CNTN5: variants seen among roughly 807,000 people sequenced by gnomAD.
CNTN5 encodes the protein contactin-5.
A neutral mutation model predicts 129.1 loss-of-function variants in CNTN5; 77 were observed. That is an observed-to-expected ratio of 0.60 (90% CI 0.50 to 0.72). The LOEUF (loss-of-function observed/expected upper bound fraction) is 0.72, where lower values mean the gene tolerates loss of function less well. CNTN5 is among the 30% of genes least tolerant of loss of function. The pLI is 0.00. For missense variants in CNTN5, 1,478 were observed against 1,328.8 expected, an observed-to-expected ratio of 1.11 and a Z score of -1.75; for synonymous variants, 509 against 465.6, an observed-to-expected ratio of 1.09 and a Z score of -1.20.
intron 2 of CNTN5, among the ~76,000 whole-genome samples, chr11:99,534,508 CATA>C (rs1307231402): frequency 6.4e-5 from 9 of 140,578 alleles, no homozygotes; most frequent in Non-Finnish European, 1.1e-4. Context: ...AAAATTTGGG[CATA>C]GTTAGAATAA....
At chr11:99,450,707 CA>C (rs1356427090) in intron 2 of CNTN5, among the ~76,000 whole-genome samples, 1 of 148,822 alleles carries the variant, frequency 6.7e-6, no homozygotes, top group African/African-American at 2.5e-5. Flanking sequence ...AGAGCTGAAA[CA>C]AGAAGGCAAG....
intron 1 of CNTN5, among the ~76,000 whole-genome samples, chr11:99,232,763 G>A (rs931846367): frequency 3.3e-5 from 5 of 152,088 alleles, no homozygotes; most frequent in Non-Finnish European, 5.9e-5. Context: ...GCTAATCTGG[G>A]ATGAACTGAA....
At chr11:99,892,607 T>C (rs1949092647) in intron 6 of CNTN5, among the ~76,000 whole-genome samples, 1 of 152,198 alleles carries the variant, frequency 6.6e-6, no homozygotes, top group Non-Finnish European at 1.5e-5. Flanking sequence ...TGCTTGTTTT[T>C]GTCAGGTTTG....
rs79332646 is a variant in CNTN5 at position 99,620,705 on chromosome 11, C to T, written c.55+64436C>T. On this transcript the variant is annotated intron_variant, in intron 3 of 24. Coordinates refer to ENST00000524871, the MANE Select transcript of CNTN5 (RefSeq NM_014361.4). ...GAAAATCAAACGATGGAAAGCTAGGCCCCCGCTCCCCCCCGGCCATCAGCA... is the reference window on the plus strand; with the variant it reads ...GAAAATCAAACGATGGAAAGCTAGGTCCCCGCTCCCCCCCGGCCATCAGCA... 6.7e-3 allele frequency among the ~76,000 whole-genome samples: 1,017 copies of T among 151,000 alleles called. 65 individuals carry two copies. In the East Asian group the frequency reaches 0.17, roughly 25 times the overall value.
At chr11:100,201,220 C>T (rs779903788) in intron 15 of CNTN5, among the ~76,000 whole-genome samples, 3 of 151,894 alleles carry the variant, frequency 2.0e-5, no homozygotes, top group Non-Finnish European at 4.4e-5. Context: ...TTCTGATATA[C>T]ATAACAAACT....
At chr11:99,852,604 C>A (rs1376699413) in intron 6 of CNTN5, among the ~76,000 whole-genome samples, 1 of 152,112 alleles carries the variant, frequency 6.6e-6, no homozygotes, top group Non-Finnish European at 1.5e-5. Flanking sequence ...TCAAGTACAA[C>A]CAAACAGGTA....
At chr11:99,641,064 G>A (rs959029996) in intron 3 of CNTN5, among the ~76,000 whole-genome samples, 2 of 152,212 alleles carry the variant, frequency 1.3e-5, no homozygotes, top group African/African-American at 4.8e-5. Flanking sequence ...AAGATTTGAA[G>A]TAAGTACACT....
At chr11:99,144,147 G>A (rs767372502) in intron 1 of CNTN5, among the ~76,000 whole-genome samples, 1 of 152,128 alleles carries the variant, frequency 6.6e-6, no homozygotes, top group Non-Finnish European at 1.5e-5. Context: ...ATTACAATTT[G>A]TGTCTGATCT....
intron 9 of CNTN5, among the ~76,000 whole-genome samples, chr11:100,042,711 C>A (rs1942450913): frequency 6.6e-6 from 1 of 152,198 alleles, no homozygotes; most frequent in Admixed American, 6.5e-5. Flanking sequence ...TTTGGAGGCA[C>A]TTTTTATCCT....
At chr11:99,458,675 C>T (rs986622958) in intron 2 of CNTN5, among the ~76,000 whole-genome samples, 1 of 151,884 alleles carries the variant, frequency 6.6e-6, no homozygotes, top group Non-Finnish European at 1.5e-5. Context: ...CAAGCGAATG[C>T]CCATACTTGA....
intron 3 of CNTN5, among the ~76,000 whole-genome samples, chr11:99,812,790 C>T (rs1490834324): frequency 2.0e-5 from 3 of 152,078 alleles, no homozygotes; most frequent in African/African-American, 7.2e-5. Context: ...ATATATGCAT[C>T]GTAGCCAAGC....
chr11:100,160,421 G>A (rs539355615), intron 13 of CNTN5, among the ~76,000 whole-genome samples: 25 of 151,930 alleles, frequency 1.6e-4, no homozygotes, highest in East Asian at 1.2e-3. Context: ...TTTATAATCC[G>A]TTGGGTATAT....
At chr11:100,086,642 GA>G (rs1944569244) in intron 13 of CNTN5, among the ~76,000 whole-genome samples, 1 of 150,954 alleles carries the variant, frequency 6.6e-6, no homozygotes, top group African/African-American at 2.4e-5. Context: ...TGTAAATACC[GA>G]ACTAGAAATA....
chr11:99,781,633 C>A (rs1945314068), intron 3 of CNTN5, among the ~76,000 whole-genome samples: 1 of 152,044 alleles, frequency 6.6e-6, no homozygotes, highest in Non-Finnish European at 1.5e-5. Flanking sequence ...ACCATAGCTC[C>A]TACACCCAGC....
intron 1 of CNTN5, among the ~76,000 whole-genome samples, chr11:99,261,709 AC>A (rs1862636726): frequency 6.6e-6 from 1 of 151,992 alleles, no homozygotes. Context: ...CATCATAATT[AC>A]CCTCTTTGAA....
chr11:99,712,469 G>C (rs1334184257), intron 3 of CNTN5, among the ~76,000 whole-genome samples: 6 of 151,998 alleles, frequency 3.9e-5, no homozygotes, highest in Non-Finnish European at 8.8e-5. Flanking sequence ...CTGTGCAGTA[G>C]CTCTTTAGTT....
In CNTN5 at chr11:100,161,830, T is replaced by TACACATACACACACACACACACACACAC. The variant is rs59930760; in HGVS notation, c.1581-29291_1581-29290insTACACACACACACACACACACACACACA. 2.5e-4 allele frequency among the ~76,000 whole-genome samples: 31 copies of TACACATACACACACACACACACACACAC among 125,886 alleles called. 2 individuals are homozygous for TACACATACACACACACACACACACACAC. The highest frequency in any genetic ancestry group is 1.0e-3 in the African/African-American group (30 of 29,660). The allele number at this position is 125,886 out of a possible 152,430, so 82.6% of individuals were successfully genotyped here. A position where few individuals can be genotyped will look rare whatever the true frequency, so the allele number is the denominator to read the frequency against. ...TCTCAAGGATAGCCCTGGAGCTTCC[T>TACACATACACACACACACACACACACAC]ACACACACACACACACACACACACA... On this transcript the variant is annotated intron_variant, in intron 13 of 24. Transcript: ENST00000524871.
chr11:100,254,079 C>T (rs10894665), intron 16 of CNTN5, among the ~76,000 whole-genome samples: 31,622 of 152,004 alleles, frequency 0.21, 4,090 homozygotes, highest in East Asian at 0.61. Flanking sequence ...AACTCCCAAG[C>T]CTGAATGGAC....
At chr11:100,323,021 C>T (rs749106230) in intron 21 of CNTN5, among the ~76,000 whole-genome samples, 2 of 152,174 alleles carry the variant, frequency 1.3e-5, no homozygotes, top group Admixed American at 6.5e-5. Context: ...TTTCACAGAA[C>T]ATATCTCATT....
Sources: gnomAD v4.1 joint callset for allele counts (sites outside exome capture counted in the v4.1 genomes callset) on GRCh38, gnomAD v4.1.1 for gene constraint, MANE v1.5 for transcripts, NCBI Gene and HGNC (gene_info 2026-07-23, HGNC 2026-07-21) for gene names.